SH3D19: variants seen among roughly 807,000 people sequenced by gnomAD.
SH3D19 encodes SH3 domain containing 19.
SH3D19 carries 58 observed loss-of-function variants against 112.1 expected under a neutral mutation model. That is an observed-to-expected ratio of 0.52 (90% CI 0.42 to 0.64). The LOEUF (loss-of-function observed/expected upper bound fraction) is 0.64. SH3D19 is among the 30% of genes least tolerant of loss of function. The pLI is 0.00. For synonymous variants in SH3D19, 391 were observed against 448.5 expected, an observed-to-expected ratio of 0.87 and a Z score of 1.62; for missense variants, 1,090 against 1,263.4, an observed-to-expected ratio of 0.86 and a Z score of 2.08.
At chr4:151,130,054 G>A (rs188781520) in intron 17 of SH3D19, among the ~76,000 whole-genome samples, 82 of 152,246 alleles carry the variant, frequency 5.4e-4, no homozygotes, top group East Asian at 4.6e-3. Context: ...AGTGGGTAGG[G>A]ATAAAGAATT....
intron 11 of SH3D19, among the ~76,000 whole-genome samples, chr4:151,145,460 C>T (rs762619102): frequency 6.6e-6 from 1 of 152,178 alleles, no homozygotes; most frequent in Non-Finnish European, 1.5e-5. Flanking sequence ...CTACCCTGCA[C>T]CTTGTGACCC....
chr4:151,268,470 T>C (rs1193134846), intron 1 of SH3D19, among the ~76,000 whole-genome samples: 1 of 151,886 alleles, frequency 6.6e-6, no homozygotes, highest in African/African-American at 2.4e-5. Context: ...CTTTAAGTTT[T>C]AGGGTACATG....
In SH3D19 at chr4:151,149,665, C is replaced by G. The variant is rs571396028; in HGVS notation, c.1756-104G>C. On this transcript the variant is annotated intron_variant, in intron 9 of 19. Coordinates refer to ENST00000604030, the MANE Select transcript of SH3D19 (RefSeq NM_001378122.1). ...TTGGCTGGATCTACAAGTAGAAATG[C>G]AGTTGAATTATAGAAAGTAGCTTAA... The G allele has an allele frequency of 2.8e-5, 26 of 944,594 alleles. No homozygotes were observed. In the African/African-American group the frequency reaches 3.9e-4, roughly 14 times the overall value. The allele number at this position is 944,594 out of a possible 1,614,324, so 58.5% of individuals were successfully genotyped here.
At chr4:151,309,151 G>A (rs147089989) in intron 1 of SH3D19, among the ~76,000 whole-genome samples, 2 of 152,340 alleles carry the variant, frequency 1.3e-5, no homozygotes, top group East Asian at 3.9e-4. Flanking sequence ...TAACAGGCGT[G>A]AGCCACCGGG....
At chr4:151,205,577 T>C (rs1764991609) in intron 2 of SH3D19, among the ~76,000 whole-genome samples, 2 of 152,162 alleles carry the variant, frequency 1.3e-5, no homozygotes, top group South Asian at 2.1e-4. Context: ...GATTGGATGA[T>C]CTCTATTCTA....
At chr4:151,177,695 C>G (rs558103410) in intron 4 of SH3D19, among the ~76,000 whole-genome samples, 1 of 152,258 alleles carries the variant, frequency 6.6e-6, no homozygotes, top group African/African-American at 2.4e-5. Context: ...GCAAAATTAC[C>G]ATTTAAAAAG....
At chr4:151,159,489 C>T (rs1008262966) in intron 8 of SH3D19, 137 bp from the exon 9 acceptor site, 1 of 600,378 alleles carries the variant, frequency 1.7e-6, no homozygotes, top group East Asian at 3.3e-5. Flanking sequence ...TGAGAAAGAG[C>T]TCCCAGCAAA....
rs1316470988 is a variant in SH3D19 at position 151,179,343 on chromosome 4, A to G, written c.236+12T>C. ...GTCTAATATATGTCCTCCATTATAA[A>G]TATAACCATACCTTCTATCTCGATG... On this transcript the variant is annotated intron_variant, in intron 4 of 19. Coordinates refer to ENST00000604030, the MANE Select transcript of SH3D19 (RefSeq NM_001378122.1). 4 of 1,222,500 alleles carry G rather than the reference A, an allele frequency of 3.3e-6. No individual in the cohort carries two copies. The highest frequency in any genetic ancestry group is 1.6e-5 in the African/African-American group (1 of 64,234). The allele number at this position is 1,222,500 out of a possible 1,614,324, so 75.7% of individuals were successfully genotyped here.
chr4:151,189,282 T>G (rs1324465982), intron 2 of SH3D19, among the ~76,000 whole-genome samples: 1 of 151,898 alleles, frequency 6.6e-6, no homozygotes, highest in Non-Finnish European at 1.5e-5. Context: ...CCCAGCTGAT[T>G]TTTTGTATTT....
intron 11 of SH3D19, among the ~76,000 whole-genome samples, chr4:151,146,904 C>G (rs1754016547): frequency 6.6e-6 from 1 of 152,144 alleles, no homozygotes; most frequent in Admixed American, 6.5e-5. Context: ...TAAAAGAGAA[C>G]AAAATCAATA....
intron 1 of SH3D19, among the ~76,000 whole-genome samples, chr4:151,307,197 T>C (rs1275791099): frequency 6.6e-6 from 1 of 151,042 alleles, no homozygotes. Context: ...TTTTTTTTTT[T>C]ATTTTTAGTA....
chr4:151,147,664 C>T (rs1187681675), intron 11 of SH3D19, among the ~76,000 whole-genome samples: 2 of 152,158 alleles, frequency 1.3e-5, no homozygotes, highest in African/African-American at 2.4e-5. Context: ...AGTTTCACCA[C>T]ATTGGCCAGC....
chr4:151,202,249 C>T (rs1164904394), intron 2 of SH3D19, among the ~76,000 whole-genome samples: 18 of 151,774 alleles, frequency 1.2e-4, no homozygotes, highest in African/African-American at 3.9e-4. Flanking sequence ...GCAGGAGAAT[C>T]GCTTGAACTC....
chr4:151,189,803 A>C (rs1762358217), intron 2 of SH3D19, among the ~76,000 whole-genome samples: 1 of 152,150 alleles, frequency 6.6e-6, no homozygotes, highest in South Asian at 2.1e-4. Flanking sequence ...ACAGGCTAAT[A>C]CAGTAAATTG....
intron 1 of SH3D19, 98 bp downstream of exon 1, chr4:151,325,143 C>G (rs1041822080): frequency 3.4e-6 from 2 of 585,564 alleles, no homozygotes; most frequent in Admixed American, 4.6e-5. Context: ...GGTCCCATCC[C>G]GGCGCGTGAA....
In SH3D19 at chr4:151,125,507, AG is replaced by A. The variant is rs1225299244; in HGVS notation, c.3027+2110del. Among the ~76,000 whole-genome samples the A allele has an allele frequency of 2.9e-3, 409 of 141,438 alleles. 11 individuals carry two copies. In the East Asian group the frequency reaches 0.067, roughly 23 times the overall value. The allele number at this position is 141,438 out of a possible 152,430, so 92.8% of individuals were successfully genotyped here. A position where few individuals can be genotyped will look rare whatever the true frequency, so the allele number is the denominator to read the frequency against. On this transcript the variant is annotated intron_variant, in intron 19 of 19. Transcript: ENST00000604030. Reference sequence around the variant, plus strand: ...AAAACAAAACCAAAAAAAAAAAAAAAGAAAGAAAGAAAGAAAGGAAGGAAAG... The same window carrying A: ...AAAACAAAACCAAAAAAAAAAAAAAAAAAGAAAGAAAGAAAGGAAGGAAAG...
intron 2 of SH3D19, among the ~76,000 whole-genome samples, chr4:151,216,341 A>C (rs1767098849): frequency 6.6e-6 from 1 of 151,960 alleles, no homozygotes; most frequent in Non-Finnish European, 1.5e-5. Flanking sequence ...AAATATTTGA[A>C]TAAAAATTTA....
intron 9 of SH3D19, among the ~76,000 whole-genome samples, chr4:151,152,888 T>C (rs1755337429): frequency 6.6e-6 from 1 of 150,886 alleles, no homozygotes; most frequent in Non-Finnish European, 1.5e-5. Context: ...CAAGCTAGAG[T>C]GTAGTGGCAC....
Position 151,149,489 on chromosome 4 carries a change from C to T in SH3D19, c.1817+11G>A. On this transcript the variant is annotated intron_variant, in intron 10 of 19. Coordinates refer to ENST00000604030, the MANE Select transcript of SH3D19 (RefSeq NM_001378122.1). ...ATTAATTTTTCTCTAACTTTTCCCACATTTACTTACCTCGGTGGCAACCTT... is the reference window on the plus strand; with the variant it reads ...ATTAATTTTTCTCTAACTTTTCCCATATTTACTTACCTCGGTGGCAACCTT... 3 of 1,608,452 alleles carry T rather than the reference C, an allele frequency of 1.9e-6. No individual in the cohort carries two copies. The highest frequency in any genetic ancestry group is 2.5e-6 in the Non-Finnish European group (3 of 1,176,744).
Sources: gnomAD v4.1 joint callset for allele counts (sites outside exome capture counted in the v4.1 genomes callset) on GRCh38, gnomAD v4.1.1 for gene constraint, MANE v1.5 for transcripts, NCBI Gene and HGNC (gene_info 2026-07-23, HGNC 2026-07-21) for gene names.